The following IFIH1 variants were observed in gnomAD, a reference collection of about 807,000 sequenced individuals.
IFIH1 encodes interferon-induced helicase C domain-containing protein 1.
A neutral mutation model predicts 107.4 loss-of-function variants in IFIH1; 125 were observed. That is an observed-to-expected ratio of 1.16 (90% CI 1.01 to 1.35). The LOEUF (loss-of-function observed/expected upper bound fraction) is 1.35. Ranked by LOEUF, IFIH1 falls within the 40% of genes most tolerant of loss-of-function variation. IFIH1 has a pLI of 0.00. For missense variants in IFIH1, 1,333 were observed against 1,213.7 expected, an observed-to-expected ratio of 1.10 and a Z score of -1.46; for synonymous variants, 458 against 413.2, an observed-to-expected ratio of 1.11 and a Z score of -1.31.
intron 7 of IFIH1, among the ~76,000 whole-genome samples, chr2:162,280,321 A>G (rs1462129024): frequency 6.6e-6 from 1 of 152,074 alleles, no homozygotes; most frequent in African/African-American, 2.4e-5. Flanking sequence ...ACCCACAATC[A>G]GCAACATTTG....
At chr2:162,288,053 CA>C (rs1682927839) in intron 5 of IFIH1, 81 bp downstream of exon 5, 1 of 851,826 alleles carries the variant, frequency 1.2e-6, no homozygotes, top group South Asian at 1.6e-5. Flanking sequence ...ATGTGTGAGT[CA>C]ATGACACAAA....
At chr2:162,310,965 A>T (rs771846577) in intron 1 of IFIH1, 32 bp from the exon 2 acceptor site, 1 of 1,552,912 alleles carries the variant, frequency 6.4e-7, no homozygotes, top group Non-Finnish European at 8.9e-7. Flanking sequence ...ATTAAGTAAG[A>T]TCAAACATCT....
intron 5 of IFIH1, among the ~76,000 whole-genome samples, chr2:162,285,972 G>A (rs1682886145): frequency 6.6e-6 from 1 of 152,004 alleles, no homozygotes; most frequent in African/African-American, 2.4e-5. Flanking sequence ...AGATAAGTCT[G>A]TGGATGCCAG....
chr2:162,271,296 T>C (rs1034900534), intron 13 of IFIH1, among the ~76,000 whole-genome samples: 15 of 152,144 alleles, frequency 9.9e-5, no homozygotes, highest in African/African-American at 3.6e-4. Flanking sequence ...GATGAGTTCA[T>C]GTCCTTTGTA....
chr2:162,273,581 G>A (rs920334685), intron 12 of IFIH1, among the ~76,000 whole-genome samples: 1 of 152,128 alleles, frequency 6.6e-6, no homozygotes, highest in African/African-American at 2.4e-5. Flanking sequence ...AGGAGTTGTT[G>A]TTTAAACATA....
At chr2:162,296,100 G>T (rs1172048148) in intron 3 of IFIH1, among the ~76,000 whole-genome samples, 1 of 151,958 alleles carries the variant, frequency 6.6e-6, no homozygotes, top group Non-Finnish European at 1.5e-5. Context: ...AATTATATTT[G>T]ATTTCCACTT....
chr2:162,286,717 C>T (rs1279226830), intron 5 of IFIH1, among the ~76,000 whole-genome samples: 1 of 151,818 alleles, frequency 6.6e-6, no homozygotes, highest in Non-Finnish European at 1.5e-5. Flanking sequence ...GCTTTGAATC[C>T]AGTTAACTTG....
intron 1 of IFIH1, 100 bp from the exon 2 acceptor site, chr2:162,311,033 T>A (rs1456104539): frequency 3.5e-6 from 3 of 851,496 alleles, no homozygotes; most frequent in Non-Finnish European, 5.4e-6. Flanking sequence ...TAAGCATAAG[T>A]ATAAATAAAG....
At chr2:162,288,406 G>A (rs1682934589) in intron 4 of IFIH1, 51 bp from the exon 5 acceptor site, 1 of 1,391,540 alleles carries the variant, frequency 7.2e-7, no homozygotes, top group Admixed American at 1.8e-5. Flanking sequence ...AAATAACAGA[G>A]CTTAGGAAGC....
At chr2:162,275,694 T>C (rs1429524757) in intron 11 of IFIH1, among the ~76,000 whole-genome samples, 1 of 152,178 alleles carries the variant, frequency 6.6e-6, no homozygotes, top group African/African-American at 2.4e-5. Context: ...GAAGTATCCA[T>C]TTGTCCAGAA....
Position 162,317,924 on chromosome 2 carries a change from C to G in IFIH1, c.384G>C (p.Lys128Asn), listed in dbSNP as rs138344310. ...LNLLQPTLVD[K>N]LLVRDVLDKC... ...TATCCAAGACGTCTCTAACTAGAAG[C>G]TTGTCCACCAGAGTGGGCTGAAGGA... The change falls in exon 1 of 16, where the codon AAG (lysine) becomes AAC (asparagine). Residue 128 changes from lysine (K) to asparagine (N), a missense_variant. By Grantham distance (94) the Lys-to-Asn change is moderately conservative (BLOSUM62 0). Transcript: ENST00000649979. 8 of 1,613,684 alleles carry G rather than the reference C, an allele frequency of 5.0e-6. No homozygotes were observed. In the African/African-American group the frequency reaches 9.3e-5, roughly 19 times the overall value.
chr2:162,278,205 C>T lies in IFIH1; in HGVS notation c.1765G>A (p.Ala589Thr), dbSNP rs150760072. 2.9e-5 allele frequency: 47 copies of T among 1,599,812 alleles called. No individual in the cohort carries two copies. In the African/African-American group the frequency reaches 5.8e-4, roughly 20 times the overall value. Reference sequence around the variant, plus strand: ...AGTGTTAGGTCCAAACCTAAATTACCTTTTTTTTCCATTTGAATGGCCCAT... The same window carrying T: ...AGTGTTAGGTCCAAACCTAAATTACTTTTTTTTTCCATTTGAATGGCCCAT... ...EQWAIQMEKK[A>T]AKEGNRKERV... is the part of the protein sequence containing the mutation. The change falls in exon 9 of 16, where the codon GCT becomes ACT. Residue 589 changes from alanine to threonine, a missense_variant and splice_region_variant. Coordinates refer to ENST00000649979, the MANE Select transcript of IFIH1 (RefSeq NM_022168.4).
At chr2:162,282,856 A>G (rs1682834822) in intron 5 of IFIH1, among the ~76,000 whole-genome samples, 1 of 151,844 alleles carries the variant, frequency 6.6e-6, no homozygotes, top group African/African-American at 2.4e-5. Flanking sequence ...ACCAAGACTA[A>G]ACAAAGCAAG....
intron 2 of IFIH1, among the ~76,000 whole-genome samples, chr2:162,308,904 C>T (rs1683338071): frequency 6.6e-6 from 1 of 152,166 alleles, no homozygotes; most frequent in South Asian, 2.1e-4. Flanking sequence ...TCAAAAGTCT[C>T]ACCTAAACAT....
chr2:162,310,942 A>C lies in IFIH1; in HGVS notation c.454-9T>G, dbSNP rs1275125496. 6.2e-7 allele frequency: 1 copy of C among 1,606,496 alleles called. No individual in the cohort carries two copies. The highest frequency in any genetic ancestry group is 1.7e-5 in the Admixed American group (1 of 59,464). ...TTTTCTGCAGCAGCAATCTGTTGTA[A>C]GAGAAAATTAGAATTAAGTAAGATC... On this transcript the variant is annotated splice_polypyrimidine_tract_variant and intron_variant, in intron 1 of 15. Transcript: ENST00000649979.
chr2:162,308,880 C>A (rs1213854278), intron 2 of IFIH1, among the ~76,000 whole-genome samples: 1 of 152,154 alleles, frequency 6.6e-6, no homozygotes, highest in Admixed American at 6.5e-5. Flanking sequence ...GAAGCATGAA[C>A]TCTAAGTCTA....
At chr2:162,281,611 G>T (rs1682811785) in intron 6 of IFIH1, 66 bp from the exon 7 acceptor site, 1 of 1,216,416 alleles carries the variant, frequency 8.2e-7, no homozygotes, top group African/African-American at 1.5e-5. Context: ...AATAGCTTTA[G>T]ACCAGTAATT....
rs769263145 is a variant in IFIH1, at chr2:162,282,361, C to T, written c.1306+5G>A. The T allele has an allele frequency of 1.3e-6, 2 of 1,591,248 alleles. No homozygotes were observed. Among genetic ancestry groups the T allele is most frequent in the South Asian group, 2.3e-5 (2 of 88,502 alleles). On this transcript the variant is annotated splice_donor_5th_base_variant and intron_variant, in intron 6 of 15. Transcript: ENST00000649979. ...TTTTTTAAAAAAATAAACACTTAAA[C>T]TGACCTGACAATTGAACACCAGCAT...
At chr2:162,287,626 C>A (rs972744624) in intron 5 of IFIH1, among the ~76,000 whole-genome samples, 1 of 151,744 alleles carries the variant, frequency 6.6e-6, no homozygotes, top group Non-Finnish European at 1.5e-5. Context: ...AGATACCAAA[C>A]CTTCACTTAA....
Sources: allele counts gnomAD v4.1 joint callset (sites outside exome capture counted in the v4.1 genomes callset), GRCh38; gene constraint gnomAD v4.1.1; transcripts MANE v1.5; gene names NCBI Gene and HGNC (gene_info 2026-07-23, HGNC 2026-07-21).